PCDHA1: variants seen among roughly 807,000 people sequenced by gnomAD.
PCDHA1 encodes protocadherin alpha 1.
A neutral mutation model predicts 61.3 loss-of-function variants in PCDHA1; 42 were observed. The observed-to-expected ratio is 0.69, with a 90% CI of 0.54 to 0.89. PCDHA1 has a LOEUF of 0.89. PCDHA1 is among the 40% of genes least tolerant of loss of function. PCDHA1 has a pLI of 0.00. For missense variants in PCDHA1, 1,256 were observed against 1,235.3 expected (o/e 1.02, Z -0.25); for synonymous variants, 610 against 553.8 (o/e 1.10, Z -1.43).
At chr5:140,868,930 G>A (rs966807738) in intron 1 of PCDHA1, 6 of 1,085,506 alleles carry the variant, frequency 5.5e-6, no homozygotes, top group East Asian at 5.1e-5. Context: ...TTCATTTAAA[G>A]GTTGGTCTGA....
At chr5:140,898,467 T>G (rs576206648) in intron 1 of PCDHA1, among the ~76,000 whole-genome samples, 147 of 152,296 alleles carry the variant, frequency 9.7e-4, no homozygotes, top group Non-Finnish European at 1.9e-3. Flanking sequence ...CATTGCTTGT[T>G]TTTCTCAGGT....
At chr5:140,984,464 C>T (rs890686701) in intron 3 of PCDHA1, among the ~76,000 whole-genome samples, 1 of 152,184 alleles carries the variant, frequency 6.6e-6, no homozygotes, top group Non-Finnish European at 1.5e-5. Context: ...GTCCCAGCCC[C>T]TCTTGTATAA....
chr5:140,830,074 G>C (rs374237990), intron 1 of PCDHA1: 1 of 1,613,702 alleles, frequency 6.2e-7, no homozygotes, highest in Non-Finnish European at 8.5e-7. Context: ...CGCTGACAGC[G>C]ACGGCCACGG....
chr5:140,794,875 G>A (rs1761890150), intron 1 of PCDHA1: 4 of 1,371,472 alleles, frequency 2.9e-6, no homozygotes, highest in Admixed American at 2.3e-5. Context: ...GGAGGAATAA[G>A]AGAAGCAGCA....
rs150360427 is a variant in PCDHA1 at position 140,892,912 on chromosome 5, T to C, written c.2395-86037T>C. Among the ~76,000 whole-genome samples, 3 of 152,298 alleles carry C rather than the reference T, an allele frequency of 2.0e-5. No homozygotes were observed. In the East Asian group the frequency reaches 5.8e-4, roughly 29 times the overall value. Reference sequence around the variant, plus strand: ...CAACCTTTCCCCATCCTCCTTTTCCTTCACCCTTCCCAGCCTCTGATAAGC... The same window carrying C: ...CAACCTTTCCCCATCCTCCTTTTCCCTCACCCTTCCCAGCCTCTGATAAGC... On this transcript the variant is annotated intron_variant, in intron 1 of 3. Coordinates refer to ENST00000504120, the MANE Select transcript of PCDHA1 (RefSeq NM_018900.4).
intron 1 of PCDHA1, among the ~76,000 whole-genome samples, chr5:140,933,221 G>A (rs952837794): frequency 2.0e-5 from 3 of 151,758 alleles, no homozygotes; most frequent in Non-Finnish European, 4.4e-5. Flanking sequence ...CTGTTATATT[G>A]CATTTATGAA....
chr5:140,853,424 G>C lies in PCDHA1; in HGVS notation c.2394+64740G>C, dbSNP rs112620213. On this transcript the variant is annotated intron_variant, in intron 1 of 3. Transcript: ENST00000504120. ...AAAACAGAGAGGTGAAAGCAGAAGA[G>C]ACACTTTCCTATTTTGCCTAATAGG... 9 of 986,044 alleles carry C rather than the reference G, an allele frequency of 9.1e-6. 1 individual carries two copies. In the African/African-American group the frequency reaches 1.4e-4, roughly 15 times the overall value. 61.1% of individuals were successfully genotyped at this position (986,044 alleles called of 1,614,324 possible).
At position 140,787,676 on chromosome 5, in the gene PCDHA1, A is replaced by G. The variant is rs1264104671; in HGVS notation, c.1386A>G (p.Val462=). The G allele has an allele frequency of 6.2e-6, 10 of 1,613,658 alleles. No individual in the cohort carries two copies. The highest frequency in any genetic ancestry group is 3.3e-5 in the Admixed American group (2 of 59,998). Reference sequence around the variant, plus strand: ...CGTTCGCGCAGCCCGAGTACACAGTATTCGTGAAGGAGAACAACCCGCCGG... The same window carrying G: ...CGTTCGCGCAGCCCGAGTACACAGTGTTCGTGAAGGAGAACAACCCGCCGG... ...APAFAQPEYT[V]FVKENNPPGC... The change falls in exon 1 of 4, where the codon GTA becomes GTG. Residue 462 remains valine (V), a synonymous_variant. Transcript: ENST00000504120.
intron 1 of PCDHA1, chr5:140,967,828 CATCGTGG>C: frequency 6.2e-7 from 1 of 1,614,146 alleles, no homozygotes. Flanking sequence ...TGCTGGTGGA[CATCGTGG>C]ACGTGAATGA....
At position 140,787,536 on chromosome 5, in the gene PCDHA1, G is replaced by C. The variant is rs781856943; in HGVS notation, c.1246G>C (p.Glu416Gln). The part of the protein sequence containing the change: ...SLVLDSALDR[E>Q]SLSVYELVVT... ...GGTGTTGGACAGCGCCCTGGATCGCGAGAGCCTGTCGGTCTATGAGCTGGT... is the reference window on the plus strand; with the variant it reads ...GGTGTTGGACAGCGCCCTGGATCGCCAGAGCCTGTCGGTCTATGAGCTGGT... The change falls in exon 1 of 4, where the codon GAG (glutamate) becomes CAG (glutamine). Residue 416 changes from glutamate to glutamine, a missense_variant. By Grantham distance (29) the Glu-to-Gln change is conservative. Transcript: ENST00000504120. 2.5e-6 allele frequency: 4 copies of C among 1,614,212 alleles called. No homozygotes were observed. The highest frequency in any genetic ancestry group is 3.4e-6 in the Non-Finnish European group (4 of 1,180,028).
intron 1 of PCDHA1, among the ~76,000 whole-genome samples, chr5:140,964,317 G>A (rs1042787994): frequency 2.0e-5 from 3 of 152,218 alleles, no homozygotes; most frequent in Non-Finnish European, 4.4e-5. Context: ...GCCTAAAACA[G>A]CATAATGGAC....
chr5:140,885,293 G>C (rs945786135), intron 1 of PCDHA1, among the ~76,000 whole-genome samples: 8 of 152,122 alleles, frequency 5.3e-5, no homozygotes, highest in Non-Finnish European at 1.5e-5. Context: ...TATAGAGAGA[G>C]ACCTGGTAGG....
At chr5:140,918,560 G>A (rs1243205653) in intron 1 of PCDHA1, among the ~76,000 whole-genome samples, 1 of 152,180 alleles carries the variant, frequency 6.6e-6, no homozygotes, top group Non-Finnish European at 1.5e-5. Context: ...TGAGAAGAAT[G>A]TATATTATGC....
intron 3 of PCDHA1, among the ~76,000 whole-genome samples, chr5:140,985,949 C>T (rs1195801055): frequency 2.6e-5 from 4 of 152,032 alleles, no homozygotes; most frequent in African/African-American, 9.7e-5. Context: ...CTGTGTTAGC[C>T]AGGATGGTCT....
At chr5:140,809,344 CGCGCTGCGGTGCTCT>C (rs1562224731) in intron 1 of PCDHA1, 3 of 1,614,082 alleles carry the variant, frequency 1.9e-6, no homozygotes, top group Admixed American at 1.7e-5. Flanking sequence ...TGCTGTACAC[CGCGCTGCGGTGCTCT>C]GCGCTGCCCA....
intron 3 of PCDHA1, among the ~76,000 whole-genome samples, chr5:141,004,378 G>C (rs914260481): frequency 6.6e-6 from 1 of 152,316 alleles, no homozygotes; most frequent in South Asian, 2.1e-4. Context: ...TCTGCTCTGC[G>C]GAAGCTGGAC....
At chr5:140,917,037 GCA>G (rs2077840325) in intron 1 of PCDHA1, among the ~76,000 whole-genome samples, 1 of 152,268 alleles carries the variant, frequency 6.6e-6, no homozygotes, top group African/African-American at 2.4e-5. Context: ...GCTGAGTCCA[GCA>G]CAGTGTTGTT....
In PCDHA1 at chr5:140,803,638, T is replaced by C. The variant is rs782142850; in HGVS notation, c.2394+14954T>C. 4.0e-5 allele frequency: 64 copies of C among 1,613,470 alleles called. 1 individual carries two copies. In the South Asian group the frequency reaches 6.6e-4, roughly 17 times the overall value. On this transcript the variant is annotated intron_variant, in intron 1 of 3. Transcript: ENST00000504120. ...TTTCCAAAATGTCTTTGTTTTTCAT[T>C]CCTCAATGTTTCCACTCCTCTGGAA...
intron 1 of PCDHA1, chr5:140,870,757 GT>G: frequency 6.2e-7 from 1 of 1,613,572 alleles, no homozygotes; most frequent in Non-Finnish European, 8.5e-7. Context: ...GACGCTGCAG[GT>G]GTTCGTGCTG....
Sources: gnomAD v4.1 joint callset for allele counts (sites outside exome capture counted in the v4.1 genomes callset) on GRCh38, gnomAD v4.1.1 for gene constraint, MANE v1.5 for transcripts, NCBI Gene and HGNC (gene_info 2026-07-23, HGNC 2026-07-21) for gene names.